Variants in UNC80 observed in about 807,000 individuals in gnomAD.
UNC80 encodes unc-80 subunit of NALCN channel complex.
UNC80 carries 164 observed loss-of-function variants against 384.6 expected under a neutral mutation model. That is an observed-to-expected ratio of 0.43 (90% CI 0.38 to 0.49). UNC80 has a LOEUF of 0.49. Ranked by LOEUF, UNC80 falls within the 20% of genes least tolerant of loss-of-function variation. UNC80 has a pLI of 0.00. For synonymous variants in UNC80, 1,486 were observed against 1,527.8 expected (o/e 0.97, Z 0.64); for missense variants, 3,330 against 4,143.0 (o/e 0.80, Z 5.39).
chr2:209,917,987 C>T, intron 32 of UNC80, 29 bp downstream of exon 32: 2 of 1,546,766 alleles, frequency 1.3e-6, no homozygotes, highest in Non-Finnish European at 1.7e-6. Flanking sequence ...AGAGGAGTTA[C>T]ATTAGCAAAC....
rs2723222 is a variant in UNC80, at chr2:209,982,143, A to G, written c.9119-36A>G. ...GTTGGGTTTTTCTGATCAGTGTCATAGTTTTTGTAACACTCTATTCCTTTG... is the reference window on the plus strand; with the variant it reads ...GTTGGGTTTTTCTGATCAGTGTCATGGTTTTTGTAACACTCTATTCCTTTG... On this transcript the variant is annotated intron_variant, in intron 59 of 64. Coordinates refer to ENST00000673920, the MANE Select transcript of UNC80 (RefSeq NM_001371986.1). The G allele has an allele frequency of 0.49, 756,359 of 1,538,040 alleles. 188,813 individuals are homozygous for G. The highest frequency in any genetic ancestry group is 0.68 in the Middle Eastern group (4,031 of 5,894).
Position 209,794,719 on chromosome 2 carries a change from C to G in UNC80, c.938+860C>G, listed in dbSNP as rs1196889434. 36 of 446,296 alleles carry G rather than the reference C, an allele frequency of 8.1e-5. No homozygotes were observed. The East Asian group carries it at 2.4e-3, about 30-fold the overall frequency. 27.6% of individuals were successfully genotyped at this position (446,296 alleles called of 1,614,324 possible). ...GCTATTCTCGATAGTGAGTAAATCT[C>G]ATGAGATCTGATGGGTTTATCAGGG... On this transcript the variant is annotated intron_variant, in intron 7 of 64. Coordinates refer to ENST00000673920, the MANE Select transcript of UNC80 (RefSeq NM_001371986.1).
At chr2:209,911,730 C>T (rs184210214) in intron 29 of UNC80, among the ~76,000 whole-genome samples, 9 of 152,238 alleles carry the variant, frequency 5.9e-5, no homozygotes, top group African/African-American at 1.9e-4. Context: ...TTGAGGAGAA[C>T]GATTCCCTCT....
rs112659441 is a variant in UNC80 at position 209,772,250 on chromosome 2, G to A, written c.92+86G>A. On this transcript the variant is annotated intron_variant, in intron 1 of 64. Transcript: ENST00000673920. Reference sequence around the variant, plus strand: ...CCGGGTCGCCGCTGCCGCCGCCGCCGCTGAGGCCGCGCCACAGCCTGCAGC... The same window carrying A: ...CCGGGTCGCCGCTGCCGCCGCCGCCACTGAGGCCGCGCCACAGCCTGCAGC... 5.0e-4 allele frequency: 326 copies of A among 658,040 alleles called. 3 individuals are homozygous for A. In the Middle Eastern group the frequency reaches 6.6e-3, roughly 13 times the overall value. 40.8% of individuals were successfully genotyped at this position (658,040 alleles called of 1,614,324 possible). A position where few individuals can be genotyped will look rare whatever the true frequency, so the allele number is the denominator to read the frequency against.
chr2:209,835,417 T>C (rs2081272484), intron 18 of UNC80, among the ~76,000 whole-genome samples: 2 of 152,186 alleles, frequency 1.3e-5, no homozygotes, highest in African/African-American at 4.8e-5. Flanking sequence ...AAAATAAGTA[T>C]CAAAAACTTC....
chr2:209,978,767 T>C, intron 59 of UNC80, 59 bp downstream of exon 59: 1 of 1,401,354 alleles, frequency 7.1e-7, no homozygotes, highest in African/African-American at 1.4e-5. Context: ...AGCAGGGGCT[T>C]GGGAAGGATT....
At chr2:209,802,295 G>T (rs1401467307) in intron 7 of UNC80, among the ~76,000 whole-genome samples, 1 of 152,096 alleles carries the variant, frequency 6.6e-6, no homozygotes, top group East Asian at 1.9e-4. Flanking sequence ...TATTAAAAGA[G>T]CAGGTTTTAA....
At chr2:209,940,237 G>T (rs2091536261) in intron 43 of UNC80, among the ~76,000 whole-genome samples, 1 of 152,120 alleles carries the variant, frequency 6.6e-6, no homozygotes, top group Non-Finnish European at 1.5e-5. Flanking sequence ...AATGGTGGTT[G>T]CCTCTGGATT....
At chr2:209,993,867 T>C (rs752580906) in intron 63 of UNC80, among the ~76,000 whole-genome samples, 198 bp from the exon 64 acceptor site, 5 of 152,210 alleles carry the variant, frequency 3.3e-5, no homozygotes, top group Non-Finnish European at 7.3e-5. Context: ...ATGATTTTTC[T>C]ACGTAAGTCT....
chr2:209,971,329 C>A (rs1225126978), intron 54 of UNC80, among the ~76,000 whole-genome samples: 1 of 152,116 alleles, frequency 6.6e-6, no homozygotes, highest in Admixed American at 6.6e-5. Flanking sequence ...ATATAAAATT[C>A]TTTCAAATGT....
chr2:209,822,932 A>G (rs1391410876), intron 13 of UNC80, among the ~76,000 whole-genome samples: 1 of 152,202 alleles, frequency 6.6e-6, no homozygotes, highest in Non-Finnish European at 1.5e-5. Context: ...TAGTTACCAA[A>G]ATAATATTCT....
rs1307780631 is a variant in UNC80 at position 209,849,759 on chromosome 2, A to AT, written c.3627+136_3627+137insT. On this transcript the variant is annotated intron_variant, in intron 22 of 64. Coordinates refer to ENST00000673920, the MANE Select transcript of UNC80 (RefSeq NM_001371986.1). ...TTTCAGAATTAGTGATAAAAGGGGG[A>AT]AGAAAGATGGTGAAAAAGGGAGAAA... The AT allele has an allele frequency of 5.2e-6, 5 of 958,010 alleles. No individual in the cohort carries two copies. The African/African-American group carries it at 6.6e-5, about 13-fold the overall frequency. 59.3% of individuals were successfully genotyped at this position (958,010 alleles called of 1,614,324 possible).
At chr2:209,909,263 C>G (rs909474491) in intron 29 of UNC80, among the ~76,000 whole-genome samples, 1 of 152,114 alleles carries the variant, frequency 6.6e-6, no homozygotes, top group Non-Finnish European at 1.5e-5. Flanking sequence ...TTATTCCTCT[C>G]TAGTCAATAA....
chr2:209,850,632 T>C, intron 22 of UNC80, among the ~76,000 whole-genome samples: 1 of 152,200 alleles, frequency 6.6e-6, no homozygotes, highest in East Asian at 1.9e-4. Flanking sequence ...ATACCACTTA[T>C]AATCACCCAA....
chr2:209,923,251 T>G (rs1195803182), intron 35 of UNC80, among the ~76,000 whole-genome samples: 3 of 152,192 alleles, frequency 2.0e-5, no homozygotes, highest in Non-Finnish European at 4.4e-5. Context: ...GTGTCATATC[T>G]AAGAAACAAT....
intron 51 of UNC80, among the ~76,000 whole-genome samples, chr2:209,961,705 A>G (rs955366703): frequency 6.6e-6 from 1 of 152,246 alleles, no homozygotes; most frequent in Non-Finnish European, 1.5e-5. Flanking sequence ...AGTTAAAAAC[A>G]AAACAGTTGC....
intron 31 of UNC80, among the ~76,000 whole-genome samples, chr2:209,917,197 A>T (rs888122847): frequency 2.6e-5 from 4 of 152,226 alleles, no homozygotes; most frequent in African/African-American, 9.6e-5. Flanking sequence ...TATAAAGCTC[A>T]TTATTCATTA....
chr2:209,965,363 G>A lies in UNC80; in HGVS notation c.7806-2074G>A, dbSNP rs192402874. 4.6e-4 allele frequency among the ~76,000 whole-genome samples: 70 copies of A among 152,232 alleles called. 1 individual carries two copies. Among genetic ancestry groups the A allele is most frequent in the African/African-American group, 1.7e-3 (69 of 41,538 alleles). ...GAGGTTGAGAGATGGGTATTTTGGG[G>A]CTTACTATATACTGATCTCTCTACC... On this transcript the variant is annotated intron_variant, in intron 51 of 64. Transcript: ENST00000673920.
chr2:209,930,874 A>G, intron 37 of UNC80, 94 bp from the exon 38 acceptor site: 5 of 790,624 alleles, frequency 6.3e-6, no homozygotes, highest in Non-Finnish European at 1.0e-5. Flanking sequence ...AGTAAAAAAA[A>G]TCCCTCACCC....
Sources: gnomAD v4.1 joint callset for allele counts (sites outside exome capture counted in the v4.1 genomes callset) on GRCh38, gnomAD v4.1.1 for gene constraint, MANE v1.5 for transcripts, NCBI Gene and HGNC (gene_info 2026-07-23, HGNC 2026-07-21) for gene names.